MGMT: variants seen among roughly 807,000 people sequenced by gnomAD.
MGMT encodes O-6-methylguanine-DNA methyltransferase, also known as methylated-DNA--protein-cysteine methyltransferase.
In MGMT, 14 loss-of-function variants were observed where a neutral mutation model predicts 15.9. The observed-to-expected ratio is 0.88, with a 90% CI of 0.58 to 1.37. The LOEUF (loss-of-function observed/expected upper bound fraction) is 1.37, where lower values mean the gene tolerates loss of function less well. Among genes scored for constraint, MGMT ranks in the 40% most tolerant of loss-of-function variants. MGMT has a pLI of 0.00. For synonymous variants in MGMT, 130 were observed against 118.2 expected, an observed-to-expected ratio of 1.10 and a Z score of -0.65; for missense variants, 282 against 268.1, an observed-to-expected ratio of 1.05 and a Z score of -0.36.
intron 1 of MGMT, among the ~76,000 whole-genome samples, chr10:129,506,478 A>T (rs1409782728): frequency 1.3e-5 from 2 of 152,240 alleles, no homozygotes; most frequent in East Asian, 3.9e-4. Context: ...TTGCAGCCAC[A>T]TACTTAGGGC....
chr10:129,510,276 A>T (rs60083925), intron 1 of MGMT, among the ~76,000 whole-genome samples: 3 of 152,136 alleles, frequency 2.0e-5, no homozygotes, highest in Admixed American at 2.0e-4. Flanking sequence ...GTAGGAAGTT[A>T]CATACCTTGG....
At chr10:129,525,610 A>G (rs1365469250) in intron 1 of MGMT, among the ~76,000 whole-genome samples, 1 of 152,072 alleles carries the variant, frequency 6.6e-6, no homozygotes, top group African/African-American at 2.4e-5. Flanking sequence ...CATTAATCAG[A>G]AAGGTGCTGT....
intron 2 of MGMT, among the ~76,000 whole-genome samples, chr10:129,557,404 G>C (rs1016238863): frequency 6.6e-6 from 1 of 151,970 alleles, no homozygotes; most frequent in African/African-American, 2.4e-5. Context: ...TGTCAACTCG[G>C]GTAGAATTTT....
chr10:129,531,662 A>G (rs911280895), intron 1 of MGMT, among the ~76,000 whole-genome samples: 1 of 152,018 alleles, frequency 6.6e-6, no homozygotes, highest in African/African-American at 2.4e-5. Flanking sequence ...CCACAGAAGA[A>G]CTGTGCCAAA....
chr10:129,520,435 C>T (rs1003553579), intron 1 of MGMT, among the ~76,000 whole-genome samples: 4 of 152,116 alleles, frequency 2.6e-5, no homozygotes, highest in African/African-American at 4.8e-5. Flanking sequence ...CATACAGAGC[C>T]CCTATGGTGC....
intron 2 of MGMT, among the ~76,000 whole-genome samples, chr10:129,601,131 C>T (rs1042538887): frequency 6.7e-6 from 1 of 150,326 alleles, no homozygotes; most frequent in Admixed American, 6.6e-5. Context: ...AAAAATTCAA[C>T]GCATTGGGAA....
intron 2 of MGMT, among the ~76,000 whole-genome samples, chr10:129,636,364 A>G (rs937041379): frequency 6.6e-6 from 1 of 152,216 alleles, no homozygotes; most frequent in Non-Finnish European, 1.5e-5. Flanking sequence ...TAAGCACTCA[A>G]TAAATGTTGG....
At chr10:129,704,821 C>A (rs2133139023) in intron 2 of MGMT, among the ~76,000 whole-genome samples, 1 of 151,690 alleles carries the variant, frequency 6.6e-6, no homozygotes, top group South Asian at 2.1e-4. Flanking sequence ...GAGACTTTTA[C>A]ACCCACAAAA....
rs751760011 is a variant in MGMT, at chr10:129,566,843, G to C, written c.125+30466G>C. Reference sequence around the variant, plus strand: ...AAGAGCTGCAGGCTGGGGAGCCCCCGTGGCGAACAGAGGCTCTAAGAGAGG... The same window carrying C: ...AAGAGCTGCAGGCTGGGGAGCCCCCCTGGCGAACAGAGGCTCTAAGAGAGG... On this transcript the variant is annotated intron_variant, in intron 2 of 4. Coordinates refer to ENST00000651593, the MANE Select transcript of MGMT (RefSeq NM_002412.5). The surrounding 1 kb of genome is among the most constrained non-coding windows in gnomAD (Gnocchi z 4.1). Among the ~76,000 whole-genome samples, 1 of 152,136 alleles carries C rather than the reference G, an allele frequency of 6.6e-6. No individual in the cohort carries two copies. The highest frequency in any genetic ancestry group is 2.4e-5 in the African/African-American group (1 of 41,418).
chr10:129,683,984 G>A (rs577775223), intron 2 of MGMT, among the ~76,000 whole-genome samples: 1 of 152,196 alleles, frequency 6.6e-6, no homozygotes, highest in African/African-American at 2.4e-5. Flanking sequence ...CTTGCTGGTA[G>A]CTGCTCCCCA....
intron 4 of MGMT, among the ~76,000 whole-genome samples, chr10:129,766,500 C>T (rs1050904106): frequency 6.6e-6 from 1 of 152,216 alleles, no homozygotes; most frequent in African/African-American, 2.4e-5. Flanking sequence ...TAAGTTTTCT[C>T]CTCCCAAATC....
chr10:129,763,530 G>C (rs1848899154), intron 4 of MGMT, among the ~76,000 whole-genome samples: 1 of 152,210 alleles, frequency 6.6e-6, no homozygotes, highest in African/African-American at 2.4e-5. Context: ...GGAAGAGGGA[G>C]AGGGAGACAT....
In MGMT at chr10:129,566,201, G is replaced by A. The variant is rs1369236239; in HGVS notation, c.125+29824G>A. Among the ~76,000 whole-genome samples, 1 of 152,170 alleles carries A rather than the reference G, an allele frequency of 6.6e-6. No homozygotes were observed. Among genetic ancestry groups the A allele is most frequent in the African/African-American group, 2.4e-5 (1 of 41,442 alleles). On this transcript the variant is annotated intron_variant, in intron 2 of 4. Coordinates refer to ENST00000651593, the MANE Select transcript of MGMT (RefSeq NM_002412.5). The surrounding 1 kb of genome is among the most constrained non-coding windows in gnomAD (Gnocchi z 4.1). Reference sequence around the variant, plus strand: ...GGTCTCAGGGTGTAGGGGATGGAGAGCTGGACTTCCAGCCTGCTTCTTGGC... The same window carrying A: ...GGTCTCAGGGTGTAGGGGATGGAGAACTGGACTTCCAGCCTGCTTCTTGGC...
chr10:129,588,494 C>T (rs35918350), intron 2 of MGMT, among the ~76,000 whole-genome samples: 8,715 of 152,272 alleles, frequency 0.057, 352 homozygotes, highest in Admixed American at 0.082. Context: ...TTATTGCCCT[C>T]TGAGTACCTT....
At chr10:129,681,066 G>T (rs1847846420) in intron 2 of MGMT, among the ~76,000 whole-genome samples, 2 of 152,146 alleles carry the variant, frequency 1.3e-5, no homozygotes, top group African/African-American at 4.8e-5. Flanking sequence ...GTGTCCTGTG[G>T]CCTAACACTG....
chr10:129,558,705 C>T (rs535811098), intron 2 of MGMT, among the ~76,000 whole-genome samples: 13 of 152,306 alleles, frequency 8.5e-5, no homozygotes, highest in East Asian at 3.9e-4. Context: ...CCGCCCTGCA[C>T]GGCCGTTGGA....
intron 2 of MGMT, among the ~76,000 whole-genome samples, chr10:129,626,677 C>T (rs551427170): frequency 2.6e-4 from 39 of 152,330 alleles, no homozygotes; most frequent in South Asian, 8.3e-4. Context: ...CGACAGGCTC[C>T]GGTTCCAGCT....
chr10:129,472,288 C>A (rs929534617), intron 1 of MGMT, among the ~76,000 whole-genome samples: 1 of 152,232 alleles, frequency 6.6e-6, no homozygotes, highest in South Asian at 2.1e-4. Flanking sequence ...ACCTCCTCAT[C>A]CATTGGGTGG....
chr10:129,503,810 A>G (rs1021133483), intron 1 of MGMT, among the ~76,000 whole-genome samples: 1 of 152,250 alleles, frequency 6.6e-6, no homozygotes, highest in Non-Finnish European at 1.5e-5. Flanking sequence ...CTTTGTAGCA[A>G]TGCCCCTGGT....
Sources: allele counts gnomAD v4.1 joint callset (sites outside exome capture counted in the v4.1 genomes callset), GRCh38; gene constraint gnomAD v4.1.1; non-coding constraint Gnocchi (gnomAD v3.1); transcripts MANE v1.5; gene names NCBI Gene and HGNC (gene_info 2026-07-23, HGNC 2026-07-21).